CLCN5: variants seen among roughly 807,000 people sequenced by gnomAD.
CLCN5 encodes the protein H(+)/Cl(-) exchange transporter 5.
A neutral mutation model predicts 54.0 loss-of-function variants in CLCN5; 17 were observed. The observed-to-expected ratio is 0.31, with a 90% CI of 0.22 to 0.47. The LOEUF (loss-of-function observed/expected upper bound fraction) is 0.47, where lower values mean the gene tolerates loss of function less well. CLCN5 is among the 20% of genes least tolerant of loss of function. The probability of loss-of-function intolerance (pLI) is 1.00; values close to 1 mark genes in which losing one functional copy is unlikely to be tolerated. For missense variants in CLCN5, 448 were observed against 646.7 expected, an observed-to-expected ratio of 0.69 and a Z score of 3.33; for synonymous variants, 222 against 233.0, an observed-to-expected ratio of 0.95 and a Z score of 0.43.
At chrX:49,932,347 C>T (rs893201650) in intron 3 of CLCN5, among the ~76,000 whole-genome samples, 2 of 112,556 alleles carry the variant, frequency 1.8e-5, no homozygotes, top group African/African-American at 3.2e-5. Context: ...CTGGCTGTCT[C>T]CAGATGATGG....
chrX:49,939,778 T>TA (rs1250663793), intron 3 of CLCN5, among the ~76,000 whole-genome samples: 10 of 110,354 alleles, frequency 9.1e-5, no homozygotes, highest in African/African-American at 1.6e-4. Flanking sequence ...CCCTAAAACT[T>TA]AAAAAAAAAG....
intron 3 of CLCN5, among the ~76,000 whole-genome samples, chrX:49,992,380 G>A (rs1367398395): frequency 9.1e-6 from 1 of 109,838 alleles, no homozygotes; most frequent in Non-Finnish European, 1.9e-5. Context: ...AAGTACCCAT[G>A]GCTAGAAAAT....
intron 4 of CLCN5, among the ~76,000 whole-genome samples, chrX:50,047,030 A>T (rs1409293199): frequency 1.8e-5 from 2 of 111,812 alleles, no homozygotes; most frequent in African/African-American, 6.5e-5. Flanking sequence ...GAAGAAAAAA[A>T]ATCTTAATAC....
In CLCN5 at chrX:49,998,217, T is replaced by G. The variant is rs150621221; in HGVS notation, c.17-44099T>G. 6.2e-3 allele frequency among the ~76,000 whole-genome samples: 689 copies of G among 111,546 alleles called. 3 individuals are homozygous for G. Among genetic ancestry groups the G allele is most frequent in the African/African-American group, 0.021 (647 of 30,690 alleles). ...GGCATAGGGAGATTAGGCACAGCTG[T>G]TAATGGCAGAACCAGGCATTCCAAA... is the stretch of plus-strand genomic sequence containing the variant. On this transcript the variant is annotated intron_variant, in intron 3 of 14. Transcript: ENST00000376091.
At chrX:50,034,997 C>T (rs936785346) in intron 3 of CLCN5, among the ~76,000 whole-genome samples, 8 of 111,463 alleles carry the variant, frequency 7.2e-5, no homozygotes, top group African/African-American at 2.6e-4. Context: ...CTTACCAGGT[C>T]CTTCATGACC....
chrX:50,056,280 T>G (rs929321989), intron 4 of CLCN5, among the ~76,000 whole-genome samples: 2 of 110,602 alleles, frequency 1.8e-5, no homozygotes, highest in African/African-American at 3.3e-5. Flanking sequence ...AAACAACAAT[T>G]AGAAGTTATT....
At chrX:50,038,920 G>A (rs1932104137) in intron 3 of CLCN5, among the ~76,000 whole-genome samples, 1 of 111,615 alleles carries the variant, frequency 9.0e-6, no homozygotes, top group African/African-American at 3.3e-5. Flanking sequence ...GATTATAGCT[G>A]TTACATGTTG....
chrX:50,027,046 G>A (rs1301088669), intron 3 of CLCN5, among the ~76,000 whole-genome samples: 1 of 86,690 alleles, frequency 1.2e-5, no homozygotes, highest in African/African-American at 4.8e-5. Context: ...ACGAAGTCTT[G>A]GCCTGTTGCC....
At chrX:50,032,533 T>A (rs1456929729) in intron 3 of CLCN5, among the ~76,000 whole-genome samples, 1 of 109,682 alleles carries the variant, frequency 9.1e-6, no homozygotes, top group Non-Finnish European at 1.9e-5. Flanking sequence ...GAGAAGTGTC[T>A]GTTCATGTCC....
intron 3 of CLCN5, among the ~76,000 whole-genome samples, chrX:49,992,345 C>T (rs1929309649): frequency 9.2e-6 from 1 of 108,986 alleles, no homozygotes; most frequent in Non-Finnish European, 1.9e-5. Flanking sequence ...CATGTCCTAC[C>T]CTAGGATTAT....
intron 5 of CLCN5, among the ~76,000 whole-genome samples, 161 bp downstream of exon 5, chrX:50,070,191 C>T (rs1557191375): frequency 2.7e-5 from 3 of 112,507 alleles, no homozygotes; most frequent in Admixed American, 9.4e-5. Context: ...TTTTTGAAGA[C>T]ATCTTGCACA....
intron 4 of CLCN5, among the ~76,000 whole-genome samples, chrX:50,064,202 A>G (rs1337582347): frequency 1.8e-5 from 2 of 111,193 alleles, no homozygotes; most frequent in Non-Finnish European, 3.8e-5. Context: ...TTCAATTAGG[A>G]AAAGAGGAAG....
At chrX:50,012,122 C>T (rs1312810578) in intron 3 of CLCN5, among the ~76,000 whole-genome samples, 3 of 111,249 alleles carry the variant, frequency 2.7e-5, no homozygotes, top group Non-Finnish European at 5.7e-5. Context: ...AAGGAACTTC[C>T]GTTGCCCACA....
intron 3 of CLCN5, among the ~76,000 whole-genome samples, chrX:49,954,429 A>G (rs782626847): frequency 6.4e-4 from 71 of 110,834 alleles, no homozygotes; most frequent in African/African-American, 2.2e-3. Context: ...AGTGTGGCCC[A>G]GGGAAGCCAA....
chrX:50,056,299 T>C (rs1475766599), intron 4 of CLCN5, among the ~76,000 whole-genome samples: 1 of 110,934 alleles, frequency 9.0e-6, no homozygotes, highest in African/African-American at 3.3e-5. Flanking sequence ...TTAGGCAGGA[T>C]CGTGCTACCC....
intron 4 of CLCN5, among the ~76,000 whole-genome samples, chrX:50,053,681 A>G (rs1381921520): frequency 9.0e-6 from 1 of 111,718 alleles, no homozygotes; most frequent in African/African-American, 3.2e-5. Flanking sequence ...ATTTTGCTGC[A>G]TCCCTCAATG....
intron 2 of CLCN5, among the ~76,000 whole-genome samples, chrX:49,924,559 C>A (rs1925242429): frequency 8.9e-6 from 1 of 111,940 alleles, no homozygotes; most frequent in Admixed American, 9.4e-5. Context: ...ACTGGTATTC[C>A]ATTTTTACAT....
At chrX:50,085,018 T>C (rs1166306740) in intron 9 of CLCN5, among the ~76,000 whole-genome samples, 1 of 112,124 alleles carries the variant, frequency 8.9e-6, no homozygotes, top group Non-Finnish European at 1.9e-5. Context: ...CCCTTCCAGC[T>C]AGCACCAGAG....
chrX:49,961,563 C>T (rs1927598930), intron 3 of CLCN5, among the ~76,000 whole-genome samples: 1 of 111,618 alleles, frequency 9.0e-6, no homozygotes, highest in African/African-American at 3.3e-5. Context: ...AATCGAGTGC[C>T]AGATGCCATC....
Sources: gnomAD v4.1 joint callset for allele counts (sites outside exome capture counted in the v4.1 genomes callset) on GRCh38, gnomAD v4.1.1 for gene constraint, MANE v1.5 for transcripts, NCBI Gene and HGNC (gene_info 2026-07-23, HGNC 2026-07-21) for gene names.